Variants in PHACTR2 observed in about 807,000 individuals in gnomAD.
PHACTR2 encodes chromosome 6 open reading frame 56.
Under a neutral mutation model 76.0 loss-of-function variants are expected in PHACTR2, and 30 were observed. The ratio of observed to expected loss-of-function variants is 0.39; its 90% CI spans 0.30 to 0.54. The LOEUF (loss-of-function observed/expected upper bound fraction) is 0.54, where lower values mean the gene tolerates loss of function less well. PHACTR2 is among the 20% of genes least tolerant of loss of function. PHACTR2 has a pLI of 0.61. For synonymous variants in PHACTR2, 292 were observed against 292.5 expected, an observed-to-expected ratio of 1.00 and a Z score of 0.02; for missense variants, 696 against 781.1, an observed-to-expected ratio of 0.89 and a Z score of 1.30.
chr6:143,823,635 C>A lies in PHACTR2; in HGVS notation c.1923-39C>A. On this transcript the variant is annotated intron_variant, in intron 12 of 12. Transcript: ENST00000440869. This position sits in a 1 kb window ranked among gnomAD's most constrained non-coding sequence, Gnocchi z 5.7. The stretch of plus-strand genomic sequence containing the variant: ...CAGCTCACTGCATGCAGAATGTGCT[C>A]CTAGGCCACAGGCTTATAGTTTCTA... The A allele has an allele frequency of 6.3e-7, 1 of 1,587,766 alleles. No homozygotes were observed. Among genetic ancestry groups the A allele is most frequent in the Non-Finnish European group, 8.6e-7 (1 of 1,156,938 alleles).
At position 143,698,985 on chromosome 6, in the gene PHACTR2, T is replaced by A. The variant is rs1777836229; in HGVS notation, c.47-13031T>A. On this transcript the variant is annotated intron_variant, in intron 1 of 12. Coordinates refer to ENST00000440869, the MANE Select transcript of PHACTR2 (RefSeq NM_001100164.2). This position sits in a 1 kb window ranked among gnomAD's most constrained non-coding sequence, Gnocchi z 4.3. ...GCTCTGTTGTCCTTTACCTCTCCTA[T>A]CACAGGGGGCGCTGACATTGCATCA... 6.6e-6 allele frequency among the ~76,000 whole-genome samples: 1 copy of A among 152,152 alleles called. No homozygotes were observed. The highest frequency in any genetic ancestry group is 2.1e-4 in the South Asian group (1 of 4,832).
chr6:143,732,709 C>A (rs1778726842), intron 2 of PHACTR2, among the ~76,000 whole-genome samples: 1 of 152,076 alleles, frequency 6.6e-6, no homozygotes, highest in Non-Finnish European at 1.5e-5. Context: ...TGAGGAACTG[C>A]CAAACTGTTT....
At chr6:143,805,806 G>A (rs757244168) in intron 11 of PHACTR2, among the ~76,000 whole-genome samples, 1 of 152,204 alleles carries the variant, frequency 6.6e-6, no homozygotes, top group Non-Finnish European at 1.5e-5. Flanking sequence ...GAGACAATCT[G>A]TGACATGGAC....
In PHACTR2 at chr6:143,794,781, G is replaced by A. The variant is rs373017397; in HGVS notation, c.1845+5871G>A. Among the ~76,000 whole-genome samples, 658 of 152,206 alleles carry A rather than the reference G, an allele frequency of 4.3e-3. 3 individuals carry two copies. The highest frequency in any genetic ancestry group is 0.015 in the African/African-American group (610 of 41,540). ...CGCACTCCAGCCTGGGTGACAAAGCGAGACTCCATCTCAAAAACTGAACCA... is the reference window on the plus strand; with the variant it reads ...CGCACTCCAGCCTGGGTGACAAAGCAAGACTCCATCTCAAAAACTGAACCA... On this transcript the variant is annotated intron_variant, in intron 11 of 12. Coordinates refer to ENST00000440869, the MANE Select transcript of PHACTR2 (RefSeq NM_001100164.2). The surrounding 1 kb of genome is among the most constrained non-coding windows in gnomAD (Gnocchi z 4.1).
chr6:143,650,639 T>G (rs1317524297), intron 1 of PHACTR2, among the ~76,000 whole-genome samples: 5 of 151,996 alleles, frequency 3.3e-5, no homozygotes, highest in South Asian at 2.1e-4. Flanking sequence ...ACGCAGAAAA[T>G]TGAAACTGGA....
At chr6:143,552,759 C>G (rs2128427597) in intron 1 of PHACTR2, among the ~76,000 whole-genome samples, 1 of 151,964 alleles carries the variant, frequency 6.6e-6, no homozygotes, top group South Asian at 2.1e-4. Context: ...CAAAAATGAG[C>G]CGGGCATGGT....
chr6:143,632,968 C>T (rs1401292490), intron 1 of PHACTR2, among the ~76,000 whole-genome samples: 5 of 152,128 alleles, frequency 3.3e-5, no homozygotes, highest in Admixed American at 2.0e-4. Flanking sequence ...AATAATATTC[C>T]ACTGTCTGGA....
At chr6:143,551,242 G>C (rs1775091013) in intron 1 of PHACTR2, among the ~76,000 whole-genome samples, 1 of 150,552 alleles carries the variant, frequency 6.6e-6, no homozygotes, top group Admixed American at 6.6e-5. Context: ...GATAGCAACT[G>C]CTGAACCCTG....
rs1199169643 is a variant in PHACTR2, at chr6:143,611,675, G to A, written c.13+3353G>A. On this transcript the variant is annotated intron_variant, in intron 1 of 11. Transcript: ENST00000305766. The surrounding 1 kb of genome is among the most constrained non-coding windows in gnomAD (Gnocchi z 4.4). ...ATACAATGCATGTTGGCGTTTTAGA[G>A]AGTCATCAAAAGATTGAAGCAGGTT... Among the ~76,000 whole-genome samples the A allele has an allele frequency of 6.6e-6, 1 of 152,198 alleles. No homozygotes were observed. The highest frequency in any genetic ancestry group is 1.5e-5 in the Non-Finnish European group (1 of 68,038).
chr6:143,696,838 T>C lies in PHACTR2; in HGVS notation c.47-15178T>C, dbSNP rs1165520596. Among the ~76,000 whole-genome samples, 2 of 152,198 alleles carry C rather than the reference T, an allele frequency of 1.3e-5. No individual in the cohort carries two copies. Among genetic ancestry groups the C allele is most frequent in the Non-Finnish European group, 2.9e-5 (2 of 68,032 alleles). ...CTCTCTCCACTTGTGTTTGCTCCCC[T>C]TAGGGTACTGTTCTAACAGGAGATA... On this transcript the variant is annotated intron_variant, in intron 1 of 12. Transcript: ENST00000440869. This position sits in a 1 kb window ranked among gnomAD's most constrained non-coding sequence, Gnocchi z 4.1.
intron 12 of PHACTR2, among the ~76,000 whole-genome samples, chr6:143,813,775 C>T (rs942700456): frequency 6.6e-6 from 1 of 151,710 alleles, no homozygotes; most frequent in African/African-American, 2.4e-5. Flanking sequence ...AGTTTTTCTT[C>T]ATGTTGAGAA....
chr6:143,753,905 TA>T lies in PHACTR2; in HGVS notation c.449del (p.Lys150ArgfsTer137). The part of the protein sequence containing the change: ...TPPLEEQAED[K>X]KENTENHSET... ...CACCTCTGGAGGAACAGGCAGAAGATAAGAAAGGTAAAATAAAGACAAACCC... is the reference window on the plus strand; with the variant it reads ...CACCTCTGGAGGAACAGGCAGAAGATAGAAAGGTAAAATAAAGACAAACCC... On this transcript the variant is annotated frameshift_variant, in exon 4 of 13. Coordinates refer to ENST00000440869, the MANE Select transcript of PHACTR2 (RefSeq NM_001100164.2). LOFTEE classifies it high-confidence loss of function. The surrounding 1 kb of genome is among the most constrained non-coding windows in gnomAD (Gnocchi z 4.6). 6.3e-7 allele frequency: 1 copy of T among 1,597,824 alleles called. No homozygotes were observed. The highest frequency in any genetic ancestry group is 8.5e-7 in the Non-Finnish European group (1 of 1,175,348).
intron 1 of PHACTR2, among the ~76,000 whole-genome samples, chr6:143,660,446 G>A (rs1232630045): frequency 6.6e-6 from 1 of 152,128 alleles, no homozygotes; most frequent in Non-Finnish European, 1.5e-5. Flanking sequence ...GCACAGGAAA[G>A]AGACTCCCCC....
At chr6:143,771,160 A>ATATATATATATATATATATATATG (rs1775101721) in intron 6 of PHACTR2, among the ~76,000 whole-genome samples, 1 of 21,574 alleles carries the variant, frequency 4.6e-5, no homozygotes, top group Non-Finnish European at 8.7e-5. Flanking sequence ...ATATATATGT[A>ATATATATATATATATATATATATG]TATATATATA....
chr6:143,559,899 C>T (rs1284374157), intron 1 of PHACTR2, among the ~76,000 whole-genome samples: 3 of 151,336 alleles, frequency 2.0e-5, no homozygotes, highest in Admixed American at 6.6e-5. Context: ...TTAGTAGAGA[C>T]GGGGTTTCTC....
At position 143,811,385 on chromosome 6, in the gene PHACTR2, A is replaced by AT. The variant is rs1212171238; in HGVS notation, c.1922+4260dup. The stretch of plus-strand genomic sequence containing the variant: ...TTTCACCCTCAAAATTCTATTGGCT[A>AT]TTTTTTTTATTTACTCATCTAGAGA... On this transcript the variant is annotated intron_variant, in intron 12 of 12. Coordinates refer to ENST00000440869, the MANE Select transcript of PHACTR2 (RefSeq NM_001100164.2). The surrounding 1 kb of genome is among the most constrained non-coding windows in gnomAD (Gnocchi z 4.1). Among the ~76,000 whole-genome samples, 1 of 151,734 alleles carries AT rather than the reference A, an allele frequency of 6.6e-6. No individual in the cohort carries two copies. Among genetic ancestry groups the AT allele is most frequent in the Non-Finnish European group, 1.5e-5 (1 of 67,904 alleles).
Position 143,731,264 on chromosome 6 carries a change from G to A in PHACTR2, c.215-17721G>A, listed in dbSNP as rs1778694144. On this transcript the variant is annotated intron_variant, in intron 2 of 12. Coordinates refer to ENST00000440869, the MANE Select transcript of PHACTR2 (RefSeq NM_001100164.2). This position sits in a 1 kb window ranked among gnomAD's most constrained non-coding sequence, Gnocchi z 4.9. The stretch of plus-strand genomic sequence containing the variant: ...TTTTGAACCAGTTTTTGCATCCTTA[G>A]GATAAGTCCCACTGTGTTGTTTTGT... Among the ~76,000 whole-genome samples, 1 of 151,228 alleles carries A rather than the reference G, an allele frequency of 6.6e-6. No homozygotes were observed. Among genetic ancestry groups the A allele is most frequent in the Non-Finnish European group, 1.5e-5 (1 of 67,736 alleles).
intron 1 of PHACTR2, among the ~76,000 whole-genome samples, chr6:143,650,632 C>A (rs1356746904): frequency 6.6e-6 from 1 of 152,084 alleles, no homozygotes; most frequent in Non-Finnish European, 1.5e-5. Context: ...TAGCCATACG[C>A]AGAAAATTGA....
In PHACTR2 at chr6:143,823,277, A is replaced by G. The variant is rs114853297; in HGVS notation, c.1923-397A>G. On this transcript the variant is annotated intron_variant, in intron 12 of 12. Coordinates refer to ENST00000440869, the MANE Select transcript of PHACTR2 (RefSeq NM_001100164.2). This position sits in a 1 kb window ranked among gnomAD's most constrained non-coding sequence, Gnocchi z 5.7. ...GGCTGAAGCTAATGAAAAAGTGTCT[A>G]TTTGTTACTGTGCTTTTATAATACA... Among the ~76,000 whole-genome samples the G allele has an allele frequency of 4.0e-3, 604 of 152,232 alleles. 6 individuals are homozygous for G. Among genetic ancestry groups the G allele is most frequent in the African/African-American group, 0.014 (570 of 41,544 alleles).
Sources: gnomAD v4.1 joint callset for allele counts (sites outside exome capture counted in the v4.1 genomes callset) on GRCh38, gnomAD v4.1.1 for gene constraint, Gnocchi (gnomAD v3.1) non-coding constraint, MANE v1.5 for transcripts, NCBI Gene and HGNC (gene_info 2026-07-23, HGNC 2026-07-21) for gene names.